The following SEM1 variants were observed in gnomAD, a reference collection of about 807,000 sequenced individuals.
SEM1 encodes the protein SEM1 26S proteasome subunit.
Under a neutral mutation model 12.7 loss-of-function variants are expected in SEM1, and 3 were observed. The ratio of observed to expected loss-of-function variants is 0.24; its 90% CI spans 0.11 to 0.61. The LOEUF is 0.61. Ranked by LOEUF, SEM1 falls within the 20% of genes least tolerant of loss-of-function variation. The pLI is 0.88. For missense variants in SEM1, 59 were observed against 81.3 expected, an observed-to-expected ratio of 0.73 and a Z score of 1.06; for synonymous variants, 30 against 27.8, an observed-to-expected ratio of 1.08 and a Z score of -0.25.
At chr7:96,676,950 T>C (rs1341309881) in intron 2 of SEM1, among the ~76,000 whole-genome samples, 1 of 152,220 alleles carries the variant, frequency 6.6e-6, no homozygotes, top group African/African-American at 2.4e-5. Context: ...TCAAAATCTT[T>C]TGTTCCTACT....
chr7:96,594,125 G>C (rs73708364), intron 2 of SEM1, among the ~76,000 whole-genome samples: 1 of 152,064 alleles, frequency 6.6e-6, no homozygotes, highest in Non-Finnish European at 1.5e-5. Flanking sequence ...TTCTAATTTT[G>C]CTGTTATAAT....
At chr7:96,535,366 G>A (rs574537019) in intron 2 of SEM1, among the ~76,000 whole-genome samples, 6 of 151,648 alleles carry the variant, frequency 4.0e-5, no homozygotes, top group East Asian at 1.9e-4. Context: ...TTTTCTTTTC[G>A]AATATATGTA....
intron 2 of SEM1, among the ~76,000 whole-genome samples, chr7:96,602,866 T>A (rs1807234739): frequency 6.6e-6 from 1 of 152,068 alleles, no homozygotes; most frequent in Non-Finnish European, 1.5e-5. Flanking sequence ...TAGCAAACAT[T>A]TTACAAATGA....
chr7:96,619,500 G>A (rs532484567), downstream of SEM1, among the ~76,000 whole-genome samples: 160 of 152,202 alleles, frequency 1.1e-3, 1 homozygote, highest in South Asian at 4.6e-3. Flanking sequence ...GGGTGAGTGT[G>A]CCTGTTTTAG....
chr7:96,532,084 G>A (rs917270691), intron 2 of SEM1, among the ~76,000 whole-genome samples: 1 of 151,928 alleles, frequency 6.6e-6, no homozygotes, highest in Non-Finnish European at 1.5e-5. Flanking sequence ...ATTAGGTTCC[G>A]GGCCCTTTGA....
chr7:96,530,090 C>T (rs1052160184), intron 2 of SEM1, among the ~76,000 whole-genome samples: 8 of 152,034 alleles, frequency 5.3e-5, no homozygotes, highest in Non-Finnish European at 8.8e-5. Flanking sequence ...GGCTCCCGTT[C>T]GTGTTACCAT....
chr7:96,499,746 G>C (rs1803446216), upstream of SEM1, among the ~76,000 whole-genome samples: 1 of 152,154 alleles, frequency 6.6e-6, no homozygotes, highest in Non-Finnish European at 1.5e-5. Flanking sequence ...ACAAACATTT[G>C]ATCGGATTGT....
rs2115818609 is a variant in SEM1 at position 96,689,644 on chromosome 7, A to G, written c.171-678T>C. Among the ~76,000 whole-genome samples, 3 of 152,346 alleles carry G rather than the reference A, an allele frequency of 2.0e-5. 1 individual carries two copies. In the Middle Eastern group the frequency reaches 0.01, roughly 518 times the overall value. On this transcript the variant is annotated intron_variant, in intron 2 of 2. Transcript: ENST00000248566. ...CACTACACTATTCCAATGCAAACACATGACCGGAATAATGTATAGTATTTA... is the reference window on the plus strand; with the variant it reads ...CACTACACTATTCCAATGCAAACACGTGACCGGAATAATGTATAGTATTTA...
At chr7:96,608,862 G>A (rs1807460972) in intron 2 of SEM1, among the ~76,000 whole-genome samples, 2 of 152,120 alleles carry the variant, frequency 1.3e-5, no homozygotes, top group Non-Finnish European at 2.9e-5. Context: ...TAGCTATTGT[G>A]AATAATGCCA....
At chr7:96,582,390 A>AT (rs1287497593) in intron 2 of SEM1, among the ~76,000 whole-genome samples, 2 of 149,818 alleles carry the variant, frequency 1.3e-5, no homozygotes, top group Non-Finnish European at 3.0e-5. Context: ...TTTATTGAGG[A>AT]TTTCTGCATC....
At chr7:96,675,480 C>A (rs1395957977) in intron 2 of SEM1, among the ~76,000 whole-genome samples, 1 of 152,144 alleles carries the variant, frequency 6.6e-6, no homozygotes, top group Non-Finnish European at 1.5e-5. Flanking sequence ...AACTAGATAC[C>A]TTTAGGTGAT....
downstream of SEM1, among the ~76,000 whole-genome samples, chr7:96,669,825 T>G (rs1045210505): frequency 2.0e-5 from 3 of 152,354 alleles, no homozygotes; most frequent in Admixed American, 1.3e-4. Context: ...TTCTTTAGTA[T>G]TCAAAGATAT....
At chr7:96,486,088 T>G in intron 2 of SEM1, 1 of 701,146 alleles carries the variant, frequency 1.4e-6, no homozygotes, top group Non-Finnish European at 2.4e-6. Context: ...AGATCACGGT[T>G]GAGTATGTCA....
chr7:96,494,776 A>T (rs13312475), intron 1 of SEM1, among the ~76,000 whole-genome samples: 29 of 144,914 alleles, frequency 2.0e-4, no homozygotes, highest in African/African-American at 5.1e-4. Flanking sequence ...CATTGGAAGA[A>T]TATTTTAATG....
At chr7:96,683,881 GT>G (rs1425127086), downstream of SEM1, among the ~76,000 whole-genome samples, 1 of 152,078 alleles carries the variant, frequency 6.6e-6, no homozygotes, top group Non-Finnish European at 1.5e-5. Context: ...CTGTCAGGGG[GT>G]GGCGGACTAG....
At chr7:96,483,891 A>G (rs1167397208) in exon 4 of SEM1, 1 of 1,536,744 alleles carries the variant, frequency 6.5e-7, no homozygotes, top group African/African-American at 1.4e-5. Context: ...GCCAGATTGT[A>G]GAGGTCACCC....
At chr7:96,671,887 G>A (rs1789326233), downstream of SEM1, among the ~76,000 whole-genome samples, 1 of 152,234 alleles carries the variant, frequency 6.6e-6, no homozygotes, top group Non-Finnish European at 1.5e-5. Flanking sequence ...AGTGTAAACA[G>A]TAATTGGGGA....
At chr7:96,516,048 A>T (rs1404062569) in intron 2 of SEM1, among the ~76,000 whole-genome samples, 6 of 150,934 alleles carry the variant, frequency 4.0e-5, no homozygotes, top group Admixed American at 3.3e-4. Context: ...TTTTTCTTTT[A>T]AAAAAAAAGA....
chr7:96,664,115 T>A (rs1482867808), intron 2 of SEM1: 1 of 152,194 alleles, frequency 6.6e-6, no homozygotes, highest in Non-Finnish European at 1.5e-5. Flanking sequence ...ATTCCACTCT[T>A]AGTTATATAT....
Sources: allele counts gnomAD v4.1 joint callset (sites outside exome capture counted in the v4.1 genomes callset), GRCh38; gene constraint gnomAD v4.1.1; transcripts MANE v1.5; gene names NCBI Gene and HGNC (gene_info 2026-07-23, HGNC 2026-07-21).